SLC16A10: variants seen among roughly 807,000 people sequenced by gnomAD.
SLC16A10 encodes the protein solute carrier family 16 member 10.
In SLC16A10, 27 loss-of-function variants were observed where a neutral mutation model predicts 40.0. That is an observed-to-expected ratio of 0.67 (90% confidence interval 0.50 to 0.93). The LOEUF (loss-of-function observed/expected upper bound fraction) is 0.93. SLC16A10 is among the 40% of genes least tolerant of loss of function. The probability of loss-of-function intolerance (pLI) is 0.00; values close to 1 mark genes in which losing one functional copy is unlikely to be tolerated. For missense variants in SLC16A10, 529 were observed against 658.2 expected (o/e 0.80, Z 2.15); for synonymous variants, 213 against 249.8 (o/e 0.85, Z 1.39).
At chr6:111,153,974 A>G (rs111873049) in intron 1 of SLC16A10, among the ~76,000 whole-genome samples, 7 of 152,326 alleles carry the variant, frequency 4.6e-5, no homozygotes, top group African/African-American at 1.7e-4. Flanking sequence ...GTGTACAGAA[A>G]TGGGTGTAGA....
At chr6:111,128,660 A>G (rs1462893008) in intron 1 of SLC16A10, among the ~76,000 whole-genome samples, 1 of 152,164 alleles carries the variant, frequency 6.6e-6, no homozygotes, top group Non-Finnish European at 1.5e-5. Context: ...GAGAGAACGA[A>G]TACCTCTGTA....
chr6:111,168,213 C>T (rs553245442), intron 1 of SLC16A10, among the ~76,000 whole-genome samples: 12 of 152,302 alleles, frequency 7.9e-5, no homozygotes, highest in African/African-American at 2.9e-4. Context: ...CTCCTGACCT[C>T]AGGTGATCCA....
intron 1 of SLC16A10, among the ~76,000 whole-genome samples, chr6:111,165,557 C>T (rs535600279): frequency 1.6e-3 from 243 of 152,170 alleles, no homozygotes; most frequent in African/African-American, 5.6e-3. Context: ...CCCTTGTTAC[C>T]CAACTTTAGC....
intron 1 of SLC16A10, among the ~76,000 whole-genome samples, chr6:111,139,919 A>G (rs1771950829): frequency 6.6e-6 from 1 of 152,216 alleles, no homozygotes; most frequent in Non-Finnish European, 1.5e-5. Flanking sequence ...CCTCGCCAGC[A>G]TCTGTTACTT....
At chr6:111,139,633 C>T (rs1421182860) in intron 1 of SLC16A10, among the ~76,000 whole-genome samples, 1 of 152,090 alleles carries the variant, frequency 6.6e-6, no homozygotes, top group Non-Finnish European at 1.5e-5. Flanking sequence ...TGTAGTATTC[C>T]ATGGTATATA....
chr6:111,113,596 G>A (rs1771430342), intron 1 of SLC16A10, among the ~76,000 whole-genome samples: 1 of 152,146 alleles, frequency 6.6e-6, no homozygotes, highest in African/African-American at 2.4e-5. Flanking sequence ...TGGTTACTTT[G>A]GCTTTTCATT....
chr6:111,147,516 T>C (rs1583328093), intron 1 of SLC16A10, among the ~76,000 whole-genome samples: 1 of 152,180 alleles, frequency 6.6e-6, no homozygotes, highest in Admixed American at 6.5e-5. Context: ...CCATACTAAT[T>C]AGTACACTAA....
intron 1 of SLC16A10, among the ~76,000 whole-genome samples, chr6:111,171,081 G>A (rs1772576970): frequency 6.6e-6 from 1 of 152,136 alleles, no homozygotes. Flanking sequence ...AGGTTGCAGT[G>A]AGCAAACATT....
At chr6:111,206,567 T>C in intron 3 of SLC16A10, 25 bp from the exon 4 acceptor site, 1 of 1,613,586 alleles carries the variant, frequency 6.2e-7, no homozygotes, top group Non-Finnish European at 8.5e-7. Flanking sequence ...ATATTCAGTG[T>C]GGTTTCTTTC....
intron 1 of SLC16A10, among the ~76,000 whole-genome samples, chr6:111,124,294 TA>T (rs1771633005): frequency 6.6e-6 from 1 of 151,300 alleles, no homozygotes; most frequent in South Asian, 2.1e-4. Context: ...AATTAACTTT[TA>T]TACTTATAGT....
chr6:111,171,092 G>A (rs1370623295), intron 1 of SLC16A10, among the ~76,000 whole-genome samples: 1 of 152,104 alleles, frequency 6.6e-6, no homozygotes, highest in Non-Finnish European at 1.5e-5. Context: ...AGCAAACATT[G>A]CGTCACCGCA....
At position 111,087,584 on chromosome 6, in the gene SLC16A10, G is replaced by A. The variant is rs1394945714; in HGVS notation, c.-169G>A. 1.5e-5 allele frequency: 4 copies of A among 265,466 alleles called. No individual in the cohort carries two copies. Among genetic ancestry groups the A allele is most frequent in the East Asian group, 8.0e-5 (1 of 12,578 alleles). The allele number at this position is 265,466 out of a possible 1,614,324, so 16.4% of individuals were successfully genotyped here. ...GCGCGCGCCAGCTGTCCTCGCGGCCGCCTGCGCGCTGGCCGCCTGCGCGCT... is the reference window on the plus strand; with the variant it reads ...GCGCGCGCCAGCTGTCCTCGCGGCCACCTGCGCGCTGGCCGCCTGCGCGCT... On this transcript the variant is annotated 5_prime_UTR_variant, in exon 1 of 6. Coordinates refer to ENST00000368851, the MANE Select transcript of SLC16A10 (RefSeq NM_018593.5).
At chr6:111,207,322 C>T (rs1773271854) in intron 4 of SLC16A10, among the ~76,000 whole-genome samples, 1 of 152,028 alleles carries the variant, frequency 6.6e-6, no homozygotes, top group South Asian at 2.1e-4. Flanking sequence ...TAGTCATGTG[C>T]AGATCCTGTG....
chr6:111,141,836 A>G (rs2114503651), intron 1 of SLC16A10, among the ~76,000 whole-genome samples: 1 of 152,336 alleles, frequency 6.6e-6, no homozygotes, highest in East Asian at 1.9e-4. Flanking sequence ...ATGTTCATGG[A>G]TAGGAAGACT....
intron 4 of SLC16A10, among the ~76,000 whole-genome samples, chr6:111,217,213 C>T (rs961721302): frequency 2.6e-5 from 4 of 152,210 alleles, no homozygotes; most frequent in Non-Finnish European, 4.4e-5. Context: ...GGCACATTAA[C>T]CTCTCCCAGC....
At chr6:111,202,908 A>G (rs1452737034) in intron 3 of SLC16A10, among the ~76,000 whole-genome samples, 4 of 143,624 alleles carry the variant, frequency 2.8e-5, no homozygotes, top group Non-Finnish European at 4.6e-5. Flanking sequence ...AAAAAAAAAA[A>G]AAAAAAAAAA....
chr6:111,219,960 A>G (rs750702471), intron 5 of SLC16A10, among the ~76,000 whole-genome samples: 6 of 152,162 alleles, frequency 3.9e-5, no homozygotes, highest in Non-Finnish European at 7.3e-5. Flanking sequence ...ACATACTAAT[A>G]TTAGTGTAGT....
intron 1 of SLC16A10, among the ~76,000 whole-genome samples, chr6:111,146,730 C>G (rs1483720679): frequency 2.0e-5 from 3 of 149,432 alleles, no homozygotes; most frequent in African/African-American, 4.9e-5. Context: ...GAGCGAGACT[C>G]CGTCTCAAAA....
rs532687696 is a variant in SLC16A10 at position 111,204,929 on chromosome 6, C to CT, written c.943-1652dup. On this transcript the variant is annotated intron_variant, in intron 3 of 5. Transcript: ENST00000368851. The stretch of plus-strand genomic sequence containing the variant: ...AGCCCTTAGACATTTAAATTTTGTA[C>CT]TTTTTTTTTTTAATCCAGGCTTATA... Among the ~76,000 whole-genome samples the CT allele has an allele frequency of 1.6e-3, 232 of 146,350 alleles. 1 individual carries two copies. The highest frequency in any genetic ancestry group is 4.6e-3 in the African/African-American group (185 of 40,014).
Sources: allele counts gnomAD v4.1 joint callset (sites outside exome capture counted in the v4.1 genomes callset), GRCh38; gene constraint gnomAD v4.1.1; transcripts MANE v1.5; gene names NCBI Gene and HGNC (gene_info 2026-07-23, HGNC 2026-07-21).